The following PUS7L variants were observed in gnomAD, a reference collection of about 807,000 sequenced individuals.
The protein encoded by PUS7L is pseudouridine synthase 7 like.
A neutral mutation model predicts 51.1 loss-of-function variants in PUS7L; 49 were observed. The observed-to-expected ratio is 0.96, with a 90% CI of 0.76 to 1.22. PUS7L has a LOEUF of 1.22. Ranked by LOEUF, PUS7L falls within the 50% of genes most tolerant of loss-of-function variation. The pLI is 0.00. For missense variants in PUS7L, 828 were observed against 820.6 expected, an observed-to-expected ratio of 1.01 and a Z score of -0.11; for synonymous variants, 277 against 276.2, an observed-to-expected ratio of 1.00 and a Z score of -0.03.
chr12:43,753,964 C>G (rs1788546181), intron 2 of PUS7L, among the ~76,000 whole-genome samples: 4 of 152,074 alleles, frequency 2.6e-5, no homozygotes. Flanking sequence ...CTTCTAGTCT[C>G]TAAAAACTTA....
In PUS7L at chr12:43,738,376, A is replaced by C. The variant is rs780763955; in HGVS notation, c.1378T>G (p.Leu460Val). 3.7e-5 allele frequency: 58 copies of C among 1,578,462 alleles called. No individual in the cohort carries two copies. Among genetic ancestry groups the C allele is most frequent in the Non-Finnish European group, 4.8e-5 (55 of 1,149,606 alleles). The change falls in exon 6 of 9, where the codon TTG (leucine) becomes GTG (valine). Residue 460 changes from leucine (L) to valine (V), a missense_variant. Coordinates refer to ENST00000344862, the MANE Select transcript of PUS7L (RefSeq NM_031292.5). Reference protein sequence around the residue: ...LKNEMMKAIKLFLTPEDLDDP... With the variant: ...LKNEMMKAIKVFLTPEDLDDP... ...TCCAAGTCTTCTGGTGTAAGAAACAATTTTATGGCTTTCATCTTAAAAAAT... is the reference window on the plus strand; with the variant it reads ...TCCAAGTCTTCTGGTGTAAGAAACACTTTTATGGCTTTCATCTTAAAAAAT...
intron 3 of PUS7L, among the ~76,000 whole-genome samples, chr12:43,747,531 T>C (rs1463511218): frequency 1.3e-5 from 2 of 151,644 alleles, no homozygotes; most frequent in Non-Finnish European, 2.9e-5. Flanking sequence ...CCATCTCTAC[T>C]AAAAATTCAA....
chr12:43,730,813 A>C, intron 8 of PUS7L, 111 bp from the exon 9 acceptor site: 1 of 669,316 alleles, frequency 1.5e-6, no homozygotes. Context: ...ATAGTCTCAG[A>C]ATATAAACAC....
chr12:43,726,729 G>A lies in PUS7L; in HGVS notation c.*3647C>T, dbSNP rs1442073065. 2 of 152,074 alleles carry A rather than the reference G, an allele frequency of 1.3e-5. No individual in the cohort carries two copies. The highest frequency in any genetic ancestry group is 2.9e-5 in the Non-Finnish European group (2 of 68,054). 9.4% of individuals were successfully genotyped at this position (152,074 alleles called of 1,614,324 possible). A position where few individuals can be genotyped will look rare whatever the true frequency, so the allele number is the denominator to read the frequency against. The stretch of plus-strand genomic sequence containing the variant: ...TGTAATCCCAGCTACTTGAGAGGCT[G>A]GGGCAGGAGAATGGCTTGAACCCAG... On this transcript the variant is annotated 3_prime_UTR_variant, in exon 9 of 9. Transcript: ENST00000344862.
chr12:43,740,340 A>C (rs1395722705), intron 5 of PUS7L, among the ~76,000 whole-genome samples: 1 of 152,198 alleles, frequency 6.6e-6, no homozygotes, highest in African/African-American at 2.4e-5. Context: ...TATCTGCCAC[A>C]TGCTAGGTAC....
At chr12:43,740,980 A>C (rs1443899931) in intron 5 of PUS7L, 1 of 152,236 alleles carries the variant, frequency 6.6e-6, no homozygotes, top group Non-Finnish European at 1.5e-5. Context: ...CAGCCTCACA[A>C]GAAACCCTGA....
At chr12:43,746,961 C>T (rs1938201929) in intron 3 of PUS7L, among the ~76,000 whole-genome samples, 1 of 152,192 alleles carries the variant, frequency 6.6e-6, no homozygotes, top group Non-Finnish European at 1.5e-5. Context: ...ACTTTAACAT[C>T]TAAAGTTCTT....
In PUS7L at chr12:43,742,379, T is replaced by C. The variant is rs1937942559; in HGVS notation, c.1362+78A>G. 7.1e-6 allele frequency: 7 copies of C among 984,002 alleles called. No individual in the cohort carries two copies. The East Asian group carries it at 1.7e-4, about 24-fold the overall frequency. The allele number at this position is 984,002 out of a possible 1,614,324, so 61.0% of individuals were successfully genotyped here. On this transcript the variant is annotated intron_variant, in intron 5 of 8. Coordinates refer to ENST00000344862, the MANE Select transcript of PUS7L (RefSeq NM_031292.5). The stretch of plus-strand genomic sequence containing the variant: ...TTTACATGCATTTATATGCTAGAGT[T>C]AAGAAAGCAAGGAGCTGGGTTATGT...
At position 43,742,445 on chromosome 12, in the gene PUS7L, C is replaced by G; in HGVS notation, c.1362+12G>C. On this transcript the variant is annotated intron_variant, in intron 5 of 8. Coordinates refer to ENST00000344862, the MANE Select transcript of PUS7L (RefSeq NM_031292.5). Reference sequence around the variant, plus strand: ...CAGAAACAGATAAGATTACATTTTTCAAAATCCATACCATTTCATTCTTCA... The same window carrying G: ...CAGAAACAGATAAGATTACATTTTTGAAAATCCATACCATTTCATTCTTCA... 1 of 1,576,880 alleles carries G rather than the reference C, an allele frequency of 6.3e-7. No homozygotes were observed. Among genetic ancestry groups the G allele is most frequent in the Non-Finnish European group, 8.7e-7 (1 of 1,153,652 alleles).
chr12:43,746,919 C>A (rs1938199648), intron 3 of PUS7L, among the ~76,000 whole-genome samples: 1 of 152,182 alleles, frequency 6.6e-6, no homozygotes, highest in Non-Finnish European at 1.5e-5. Flanking sequence ...AGTAATCTCT[C>A]TTCCTTAGAG....
rs1361089942 is a variant in PUS7L, at chr12:43,730,538, G to C, written c.1944C>G (p.Pro648=). ...CCATTAGTTGGTATGAGAGATTACAGGGATGTTTCAAAATCTGTCTATAGC... is the reference window on the plus strand; with the variant it reads ...CCATTAGTTGGTATGAGAGATTACACGGATGTTTCAAAATCTGTCTATAGC... ...PGCYRQILKH[P]CNLSYQLMED... The change falls in exon 9 of 9, where the codon CCC becomes CCG. Residue 648 remains proline (P), a synonymous_variant. Coordinates refer to ENST00000344862, the MANE Select transcript of PUS7L (RefSeq NM_031292.5). 15 of 1,613,760 alleles carry C rather than the reference G, an allele frequency of 9.3e-6. No individual in the cohort carries two copies. The highest frequency in any genetic ancestry group is 1.3e-5 in the Non-Finnish European group (15 of 1,179,874).
At position 43,746,193 on chromosome 12, in the gene PUS7L, G is replaced by A. The variant is rs758183771; in HGVS notation, c.1116C>T (p.Val372=). Reference sequence around the variant, plus strand: ...AATCATCTACAGACCGAATATTAAAGACATTCATTCTTTTCTTTTCAATTT... The same window carrying A: ...AATCATCTACAGACCGAATATTAAAAACATTCATTCTTTTCTTTTCAATTT... ...EKEIEKKRMN[V]FNIRSVDDSL... is the part of the protein sequence containing the mutation. Residue 372 remains valine (V), a synonymous_variant, in exon 4 of 9, where the codon GTC becomes GTT. Transcript: ENST00000344862. 1 of 1,497,852 alleles carries A rather than the reference G, an allele frequency of 6.7e-7. No homozygotes were observed. The highest frequency in any genetic ancestry group is 1.2e-5 in the South Asian group (1 of 82,310). The allele number at this position is 1,497,852 out of a possible 1,614,324, so 92.8% of individuals were successfully genotyped here.
chr12:43,757,796 G>A (rs1565650653), intron 1 of PUS7L, among the ~76,000 whole-genome samples: 1 of 152,216 alleles, frequency 6.6e-6, no homozygotes, highest in Non-Finnish European at 1.5e-5. Flanking sequence ...TAGAAATGAG[G>A]CAGAGACCTC....
intron 7 of PUS7L, among the ~76,000 whole-genome samples, chr12:43,735,180 G>A (rs1592161075): frequency 6.6e-6 from 1 of 151,972 alleles, no homozygotes; most frequent in Non-Finnish European, 1.5e-5. Context: ...AGCCAGGCGT[G>A]GTGGCAGGCA....
intron 2 of PUS7L, among the ~76,000 whole-genome samples, chr12:43,749,243 A>C (rs1162755610): frequency 6.6e-6 from 1 of 152,176 alleles, no homozygotes; most frequent in Non-Finnish European, 1.5e-5. Context: ...TAATCCCTGG[A>C]TTAACTAGAG....
At chr12:43,733,413 G>A (rs1050087731) in intron 7 of PUS7L, among the ~76,000 whole-genome samples, 1 of 152,084 alleles carries the variant, frequency 6.6e-6, no homozygotes, top group Admixed American at 6.6e-5. Context: ...TAAAATAAGT[G>A]ATCGATCTTA....
At chr12:43,735,092 G>C (rs1294228831) in intron 7 of PUS7L, among the ~76,000 whole-genome samples, 1 of 152,064 alleles carries the variant, frequency 6.6e-6, no homozygotes, top group Non-Finnish European at 1.5e-5. Context: ...GAGGCGGGTG[G>C]ATCACGAGGT....
In PUS7L at chr12:43,755,121, T is replaced by G. The variant is rs568115016; in HGVS notation, c.125A>C (p.Gln42Pro). ...GATGGTCTTATTAACTAACTGTCCC[T>G]GTTCATCAATTTCAATAACAATAAA... ...SDFIVIEIDE[Q>P]GQLVNKTIDE... Residue 42 changes from glutamine to proline, a missense_variant, in exon 2 of 9, where the codon CAG becomes CCG. Physicochemically the swap from Gln to Pro is moderately conservative, Grantham distance 76. Coordinates refer to ENST00000344862, the MANE Select transcript of PUS7L (RefSeq NM_031292.5). 4 of 1,613,684 alleles carry G rather than the reference T, an allele frequency of 2.5e-6. No homozygotes were observed. The Middle Eastern group carries it at 5.0e-4, about 200-fold the overall frequency.
chr12:43,742,867 A>G (rs562078993), intron 4 of PUS7L, among the ~76,000 whole-genome samples: 1 of 152,344 alleles, frequency 6.6e-6, no homozygotes, highest in South Asian at 2.1e-4. Context: ...CTGGGCTTCC[A>G]AAATGAGTTG....
Sources: gnomAD v4.1 joint callset for allele counts (sites outside exome capture counted in the v4.1 genomes callset) on GRCh38, gnomAD v4.1.1 for gene constraint, MANE v1.5 for transcripts, NCBI Gene and HGNC (gene_info 2026-07-23, HGNC 2026-07-21) for gene names.